H2BN1: variants seen among roughly 807,000 people sequenced by gnomAD.
H2BN1 encodes the protein histone H2B.N.
chr17:32,899,077 A>G, the H2BN1 span, among the ~76,000 whole-genome samples: 1 of 152,240 alleles, frequency 6.6e-6, no homozygotes, highest in Non-Finnish European at 1.5e-5. Flanking sequence ...CAAGACTAGA[A>G]TCTAATAACA....
At chr17:32,899,384 G>A in the H2BN1 span, among the ~76,000 whole-genome samples, 2 of 152,172 alleles carry the variant, frequency 1.3e-5, no homozygotes, top group Non-Finnish European at 2.9e-5. Flanking sequence ...TAAACTTGGG[G>A]CTCCTGGGCC....
the H2BN1 span, among the ~76,000 whole-genome samples, chr17:32,901,316 A>C: frequency 0.031 from 4,738 of 152,236 alleles, 253 homozygotes; most frequent in African/African-American, 0.11. Flanking sequence ...TGTTAATCTG[A>C]CATAGGGGCT....
the H2BN1 span, among the ~76,000 whole-genome samples, chr17:32,901,206 C>CA: frequency 3.4e-4 from 51 of 151,554 alleles, no homozygotes; most frequent in African/African-American, 1.1e-3. Flanking sequence ...GACTCTGTGT[C>CA]AAAAAAAATT....
chr17:32,895,827 C>A, the H2BN1 span, among the ~76,000 whole-genome samples: 953 of 152,284 alleles, frequency 6.3e-3, 4 homozygotes, highest in Non-Finnish European at 9.4e-3. Flanking sequence ...GCTCTGAACA[C>A]CTGAGCTCTT....
the H2BN1 span, chr17:32,905,849 A>G: frequency 6.6e-6 from 1 of 152,144 alleles, no homozygotes; most frequent in Admixed American, 6.5e-5. Context: ...GCAATCAAAT[A>G]TGTATTTATC....
chr17:32,903,277 CTTTT>C, the H2BN1 span, among the ~76,000 whole-genome samples: 1 of 151,068 alleles, frequency 6.6e-6, no homozygotes, highest in South Asian at 2.1e-4. Flanking sequence ...TCATAAAAAA[CTTTT>C]TTTTTCCTAT....
the H2BN1 span, among the ~76,000 whole-genome samples, chr17:32,904,158 G>A: frequency 8.5e-5 from 13 of 152,092 alleles, no homozygotes; most frequent in African/African-American, 2.7e-4. Context: ...CAAGGCCCCC[G>A]GTCACCCAGG....
At chr17:32,895,860 G>A in the H2BN1 span, among the ~76,000 whole-genome samples, 2 of 152,092 alleles carry the variant, frequency 1.3e-5, no homozygotes, top group African/African-American at 2.4e-5. Context: ...TCTCGCTCTC[G>A]TATCTGTTGA....
chr17:32,895,974 T>A, the H2BN1 span, among the ~76,000 whole-genome samples: 2 of 152,214 alleles, frequency 1.3e-5, no homozygotes, highest in Non-Finnish European at 2.9e-5. Context: ...CATAGCTCAC[T>A]GCAGCCTCCA....
chr17:32,897,573 G>A, the H2BN1 span, among the ~76,000 whole-genome samples: 1 of 152,292 alleles, frequency 6.6e-6, no homozygotes, highest in East Asian at 1.9e-4. Flanking sequence ...ATGTGATACA[G>A]GGCCTGACGG....
chr17:32,902,266 C>G, the H2BN1 span, among the ~76,000 whole-genome samples: 1 of 152,180 alleles, frequency 6.6e-6, no homozygotes, highest in Non-Finnish European at 1.5e-5. Context: ...TGATAATCAT[C>G]ATTTAAAGTT....
the H2BN1 span, among the ~76,000 whole-genome samples, chr17:32,902,013 G>A: frequency 6.6e-6 from 1 of 150,996 alleles, no homozygotes; most frequent in Non-Finnish European, 1.5e-5. Context: ...TTTCTGGCTT[G>A]TCCTGAACAT....
At chr17:32,903,823 C>T in the H2BN1 span, among the ~76,000 whole-genome samples, 1 of 152,164 alleles carries the variant, frequency 6.6e-6, no homozygotes, top group African/African-American at 2.4e-5. Flanking sequence ...AGGTCATTCT[C>T]CTTGTTTTCT....
chr17:32,905,180 T>A, the H2BN1 span, among the ~76,000 whole-genome samples: 1 of 152,176 alleles, frequency 6.6e-6, no homozygotes, highest in African/African-American at 2.4e-5. Context: ...CTGCCTTCCA[T>A]CGTCCTGTAA....
At chr17:32,898,799 A>G in the H2BN1 span, among the ~76,000 whole-genome samples, 2 of 152,222 alleles carry the variant, frequency 1.3e-5, no homozygotes, top group South Asian at 2.1e-4. Flanking sequence ...GGTATAGGCC[A>G]TATTACTCTG....
At chr17:32,898,910 G>A in the H2BN1 span, among the ~76,000 whole-genome samples, 1 of 152,170 alleles carries the variant, frequency 6.6e-6, no homozygotes, top group Non-Finnish European at 1.5e-5. Context: ...TCAGTTCGTA[G>A]GGTTTTATGA....
At chr17:32,898,094 A>G in the H2BN1 span, among the ~76,000 whole-genome samples, 1 of 152,126 alleles carries the variant, frequency 6.6e-6, no homozygotes, top group Non-Finnish European at 1.5e-5. Flanking sequence ...GCTGATAGGT[A>G]CTGTGGACCC....
At chr17:32,901,605 C>T in the H2BN1 span, among the ~76,000 whole-genome samples, 14 of 152,104 alleles carry the variant, frequency 9.2e-5, no homozygotes, top group African/African-American at 3.4e-4. Flanking sequence ...CCTTTTTAGT[C>T]CCAGGAGTCA....
At chr17:32,905,136 C>A in the H2BN1 span, among the ~76,000 whole-genome samples, 1 of 152,180 alleles carries the variant, frequency 6.6e-6, no homozygotes, top group Admixed American at 6.5e-5. Flanking sequence ...CTCTTCCCTG[C>A]CGAGAGTGAG....
Sources: gnomAD v4.1 joint callset for allele counts (sites outside exome capture counted in the v4.1 genomes callset) on GRCh38, gnomAD v4.1.1 for gene constraint, MANE v1.5 for transcripts, NCBI Gene and HGNC (gene_info 2026-07-23, HGNC 2026-07-21) for gene names.